Variants in GPC6 observed in about 807,000 individuals in gnomAD.
The protein encoded by GPC6 is glypican-6.
A neutral mutation model predicts 55.2 loss-of-function variants in GPC6; 14 were observed. The observed-to-expected ratio is 0.25, with a 90% CI of 0.17 to 0.40. The LOEUF (loss-of-function observed/expected upper bound fraction) is 0.40, where lower values mean the gene tolerates loss of function less well. GPC6 is among the 10% of genes least tolerant of loss of function. GPC6 has a pLI of 1.00. For missense variants in GPC6, 641 were observed against 708.5 expected (o/e 0.90, Z 1.08); for synonymous variants, 278 against 259.6 (o/e 1.07, Z -0.68).
chr13:93,457,835 A>T (rs1036682352), intron 1 of GPC6, among the ~76,000 whole-genome samples: 4 of 91,300 alleles, frequency 4.4e-5, no homozygotes, highest in Non-Finnish European at 1.2e-4. Context: ...ATCAATATTA[A>T]AAAAAAAAGA....
intron 4 of GPC6, among the ~76,000 whole-genome samples, chr13:94,034,147 A>G (rs1251092716): frequency 6.6e-6 from 1 of 151,400 alleles, no homozygotes; most frequent in Non-Finnish European, 1.5e-5. Flanking sequence ...TTCTCATGTA[A>G]TGCTGGCAGG....
chr13:94,306,024 A>C lies in GPC6; in HGVS notation c.1053A>C (p.Arg351Ser), dbSNP rs1414002923. The change falls in exon 6 of 9, where the codon AGA (arginine) becomes AGC (serine). Residue 351 changes from arginine (R) to serine (S), a missense_variant. Transcript: ENST00000377047. ...AGCCCAAACCTGCTCCAGCCCTCAGATCTGCCCGCTCAGCTCCTGAAAATT... is the reference window on the plus strand; with the variant it reads ...AGCCCAAACCTGCTCCAGCCCTCAGCTCTGCCCGCTCAGCTCCTGAAAATT... Reference protein sequence around the residue: ...CGQPKPAPALRSARSAPENFN... With the variant: ...CGQPKPAPALSSARSAPENFN... The C allele has an allele frequency of 2.5e-6, 4 of 1,614,038 alleles. No individual in the cohort carries two copies. Among genetic ancestry groups the C allele is most frequent in the Non-Finnish European group, 3.4e-6 (4 of 1,180,032 alleles).
upstream of GPC6, chr13:93,226,697 C>CT (rs1420831833): frequency 5.3e-5 from 8 of 152,096 alleles, no homozygotes; most frequent in African/African-American, 1.9e-4. Flanking sequence ...GTTTCTTTTT[C>CT]TTTTTTTCCC....
chr13:93,359,209 T>C (rs1880961035), intron 1 of GPC6, among the ~76,000 whole-genome samples: 1 of 152,114 alleles, frequency 6.6e-6, no homozygotes, highest in African/African-American at 2.4e-5. Flanking sequence ...GAAGCAATCT[T>C]CCAGCCTAGG....
At chr13:93,954,308 G>A (rs1215170844) in intron 3 of GPC6, among the ~76,000 whole-genome samples, 2 of 152,034 alleles carry the variant, frequency 1.3e-5, no homozygotes, top group Admixed American at 6.6e-5. Flanking sequence ...CATACACAGT[G>A]CCTTTATTTT....
chr13:93,947,540 T>C (rs940928108), intron 3 of GPC6, among the ~76,000 whole-genome samples: 2 of 152,158 alleles, frequency 1.3e-5, no homozygotes, highest in Admixed American at 1.3e-4. Context: ...AACAGCAATA[T>C]GTTGACCTAA....
At chr13:93,394,288 T>C (rs1184479291) in intron 1 of GPC6, among the ~76,000 whole-genome samples, 1 of 152,188 alleles carries the variant, frequency 6.6e-6, no homozygotes, top group Non-Finnish European at 1.5e-5. Flanking sequence ...GGACCATGAG[T>C]TCCTATAGAA....
intron 2 of GPC6, among the ~76,000 whole-genome samples, chr13:93,601,725 G>A (rs1878022477): frequency 6.6e-6 from 1 of 152,092 alleles, no homozygotes; most frequent in Admixed American, 6.5e-5. Context: ...TATTCCAGTA[G>A]GTGAAATAAT....
At chr13:93,459,519 G>A (rs1255620077) in intron 1 of GPC6, among the ~76,000 whole-genome samples, 4 of 152,004 alleles carry the variant, frequency 2.6e-5, no homozygotes, top group Admixed American at 6.5e-5. Context: ...GAAAACAACG[G>A]ACTTTAACAG....
intron 1 of GPC6, among the ~76,000 whole-genome samples, chr13:93,530,357 C>G (rs1050499298): frequency 1.3e-5 from 2 of 152,198 alleles, no homozygotes; most frequent in African/African-American, 4.8e-5. Flanking sequence ...TATTCTGCTC[C>G]TCCTCATTTC....
intron 1 of GPC6, among the ~76,000 whole-genome samples, chr13:93,323,059 A>T (rs989051431): frequency 6.6e-6 from 1 of 152,072 alleles, no homozygotes; most frequent in Non-Finnish European, 1.5e-5. Context: ...TTCTGCTAAG[A>T]TTGGACACAT....
intron 4 of GPC6, among the ~76,000 whole-genome samples, chr13:94,276,671 T>C (rs1484588696): frequency 1.3e-5 from 2 of 152,076 alleles, no homozygotes; most frequent in Non-Finnish European, 2.9e-5. Context: ...CTCCCACCTA[T>C]GAGTGAAGAC....
chr13:93,390,723 C>T (rs927489250), intron 1 of GPC6, among the ~76,000 whole-genome samples: 6 of 151,010 alleles, frequency 4.0e-5, no homozygotes, highest in African/African-American at 7.3e-5. Flanking sequence ...GATATGTGTC[C>T]AAAATATGTT....
At chr13:94,041,204 T>C (rs1299353220) in intron 4 of GPC6, among the ~76,000 whole-genome samples, 1 of 151,860 alleles carries the variant, frequency 6.6e-6, no homozygotes, top group Non-Finnish European at 1.5e-5. Context: ...ATAAAGTATA[T>C]GCCTCATTCT....
intron 2 of GPC6, among the ~76,000 whole-genome samples, chr13:93,662,179 C>G (rs1566474532): frequency 1.3e-5 from 2 of 152,180 alleles, no homozygotes; most frequent in Non-Finnish European, 1.5e-5. Flanking sequence ...CTCTTCCTTC[C>G]TGCATCTTGA....
At chr13:93,389,096 A>C (rs567715546) in intron 1 of GPC6, among the ~76,000 whole-genome samples, 12 of 152,254 alleles carry the variant, frequency 7.9e-5, no homozygotes, top group Middle Eastern at 6.8e-3. Flanking sequence ...TATGATTACT[A>C]TTGGGTGAGT....
At chr13:93,553,520 G>A (rs1875275125) in intron 2 of GPC6, among the ~76,000 whole-genome samples, 1 of 151,426 alleles carries the variant, frequency 6.6e-6, no homozygotes, top group South Asian at 2.1e-4. Flanking sequence ...GTGAAACCCC[G>A]TCTCTACTAA....
At chr13:93,313,583 C>G (rs1020741424) in intron 1 of GPC6, among the ~76,000 whole-genome samples, 8 of 152,084 alleles carry the variant, frequency 5.3e-5, no homozygotes, top group Admixed American at 3.9e-4. Context: ...CTATCCACTC[C>G]GGTGTAACCC....
At chr13:94,006,996 C>T (rs1882048012) in intron 3 of GPC6, among the ~76,000 whole-genome samples, 1 of 152,190 alleles carries the variant, frequency 6.6e-6, no homozygotes, top group South Asian at 2.1e-4. Context: ...TTCCTTGAAT[C>T]TTAGTTCCCT....
Sources: allele counts gnomAD v4.1 joint callset (sites outside exome capture counted in the v4.1 genomes callset), GRCh38; gene constraint gnomAD v4.1.1; transcripts MANE v1.5; gene names NCBI Gene and HGNC (gene_info 2026-07-23, HGNC 2026-07-21).